RSPH14: variants seen among roughly 807,000 people sequenced by gnomAD.
RSPH14 encodes the protein rhabdoid tumor deletion region gene 1.
A neutral mutation model predicts 26.7 loss-of-function variants in RSPH14; 20 were observed. The ratio of observed to expected loss-of-function variants is 0.75; its 90% CI spans 0.53 to 1.09. RSPH14 has a LOEUF of 1.09. Among genes scored for constraint, RSPH14 ranks in the 50% least tolerant of loss-of-function variants. The pLI is 0.00. For synonymous variants in RSPH14, 177 were observed against 189.3 expected, an observed-to-expected ratio of 0.93 and a Z score of 0.53; for missense variants, 449 against 457.2, an observed-to-expected ratio of 0.98 and a Z score of 0.16.
rs1183195572 is a variant in RSPH14 at position 23,071,811 on chromosome 22, G to T, written c.422-7678C>A. 6.6e-6 allele frequency among the ~76,000 whole-genome samples: 1 copy of T among 152,238 alleles called. No homozygotes were observed. The highest frequency in any genetic ancestry group is 6.5e-5 in the Admixed American group (1 of 15,292). On this transcript the variant is annotated intron_variant, in intron 4 of 6. Transcript: ENST00000216036. The surrounding 1 kb of genome is among the most constrained non-coding windows in gnomAD (Gnocchi z 4.1). ...CTGGAGCTTGAAGGACATGGGCACA[G>T]CTAAGCTGGGCATTGTGGGCAGAGA...
chr22:23,143,481 G>A (rs1228625861), upstream of RSPH14, among the ~76,000 whole-genome samples: 1 of 152,074 alleles, frequency 6.6e-6, no homozygotes, highest in East Asian at 1.9e-4. Flanking sequence ...AAGAATTGGG[G>A]ACTGCAATGG....
chr22:23,159,762 C>G, the RSPH14 span, among the ~76,000 whole-genome samples: 3 of 152,310 alleles, frequency 2.0e-5, no homozygotes, highest in Admixed American at 6.5e-5. Context: ...CATCCCTTCC[C>G]AGTATCACTG....
At chr22:23,094,255 G>A (rs1448032554) in intron 4 of RSPH14, among the ~76,000 whole-genome samples, 18 of 152,138 alleles carry the variant, frequency 1.2e-4, no homozygotes, top group Non-Finnish European at 2.6e-4. Context: ...GTGGGGCCTG[G>A]TGCCACCCTG....
chr22:23,159,031 C>T, the RSPH14 span: 2 of 1,594,384 alleles, frequency 1.3e-6, no homozygotes, highest in Non-Finnish European at 1.7e-6. Flanking sequence ...AATGCCTCCC[C>T]TTACAGCCCT....
At chr22:23,093,951 C>A (rs142799048) in intron 4 of RSPH14, among the ~76,000 whole-genome samples, 66 of 152,284 alleles carry the variant, frequency 4.3e-4, no homozygotes, top group African/African-American at 1.6e-3. Flanking sequence ...TGGTCAAGGT[C>A]TGTGAGGGGC....
At chr22:23,177,867 T>G in the RSPH14 span, among the ~76,000 whole-genome samples, 1 of 152,208 alleles carries the variant, frequency 6.6e-6, no homozygotes. Flanking sequence ...GGCGTGATCC[T>G]AGCTCACTGA....
chr22:23,142,898 C>T (rs1366381658), upstream of RSPH14, among the ~76,000 whole-genome samples: 2 of 152,224 alleles, frequency 1.3e-5, no homozygotes, highest in African/African-American at 4.8e-5. Flanking sequence ...ATGGCCTCCT[C>T]CAGCCATGCC....
intron 4 of RSPH14, among the ~76,000 whole-genome samples, chr22:23,092,298 A>G (rs1216064082): frequency 2.0e-5 from 3 of 152,180 alleles, no homozygotes; most frequent in Non-Finnish European, 4.4e-5. Flanking sequence ...ATAAGGTCCC[A>G]TTTGAACCAC....
At chr22:23,149,081 G>A (rs963200846), upstream of RSPH14, among the ~76,000 whole-genome samples, 4 of 152,120 alleles carry the variant, frequency 2.6e-5, no homozygotes, top group African/African-American at 9.7e-5. Flanking sequence ...GAACTGAGAG[G>A]GCAGATGGGC....
upstream of RSPH14, chr22:23,146,170 C>T (rs1419530305): frequency 3.7e-6 from 1 of 266,808 alleles, no homozygotes; most frequent in Non-Finnish European, 5.8e-6. Context: ...GAAATGGCCT[C>T]TGCCCCATAT....
At chr22:23,161,418 G>T in the RSPH14 span, 1 of 1,253,360 alleles carries the variant, frequency 8.0e-7, no homozygotes, top group South Asian at 1.3e-5. Flanking sequence ...TCACAGCTCT[G>T]ACTGTCAGGG....
intron 4 of RSPH14, among the ~76,000 whole-genome samples, chr22:23,116,809 AGGCTGT>A (rs1366224521): frequency 6.6e-6 from 1 of 151,780 alleles, no homozygotes; most frequent in Non-Finnish European, 1.5e-5. Context: ...GGAGGTGTTT[AGGCTGT>A]GACAAAGGGA....
At chr22:23,082,454 C>T (rs1465966045) in intron 4 of RSPH14, among the ~76,000 whole-genome samples, 3 of 149,670 alleles carry the variant, frequency 2.0e-5, no homozygotes, top group African/African-American at 4.9e-5. Context: ...GAACTGACTT[C>T]GTGATCCACC....
At chr22:23,130,083 GGAAGAAAGAAAGAAAGAA>G (rs1272600574) in intron 4 of RSPH14, among the ~76,000 whole-genome samples, 27 of 29,112 alleles carry the variant, frequency 9.3e-4, no homozygotes, top group African/African-American at 4.8e-3. Context: ...AAGAAAGAAA[GGAAGAAAGAAAGAAAGAA>G]AGAAAGAAAG....
chr22:23,128,360 G>A (rs1434820234), intron 4 of RSPH14, among the ~76,000 whole-genome samples: 5 of 152,202 alleles, frequency 3.3e-5, no homozygotes, highest in Admixed American at 6.5e-5. Flanking sequence ...CATCGGGCTG[G>A]GGAGCAGAAG....
At chr22:23,164,600 G>A in the RSPH14 span, among the ~76,000 whole-genome samples, 1 of 152,274 alleles carries the variant, frequency 6.6e-6, no homozygotes, top group South Asian at 2.1e-4. Context: ...TAAGTTTCCT[G>A]GGCAGAGGCA....
At chr22:23,130,100 AAAGAAAGAAAGAAAGAAAGAAAGAAAG>A (rs1569192617) in intron 4 of RSPH14, among the ~76,000 whole-genome samples, 12 of 73,182 alleles carry the variant, frequency 1.6e-4, no homozygotes, top group African/African-American at 4.9e-4. Flanking sequence ...AGAAAGAAAG[AAAGAAAGAAAGAAAGAAAGAAAGAAAG>A]AAAGAAAGAA....
intron 2 of RSPH14, 86 bp from the exon 3 acceptor site, chr22:23,139,028 G>T: frequency 1.0e-6 from 1 of 999,584 alleles, no homozygotes; most frequent in Non-Finnish European, 1.5e-6. Flanking sequence ...CAATAAGTGG[G>T]CCAGTTGGGG....
At chr22:23,068,047 C>T (rs1249443816) in intron 4 of RSPH14, among the ~76,000 whole-genome samples, 1 of 152,214 alleles carries the variant, frequency 6.6e-6, no homozygotes, top group Non-Finnish European at 1.5e-5. Flanking sequence ...TTAAAACTCT[C>T]GAGCAGTTCT....
Sources: gnomAD v4.1 joint callset for allele counts (sites outside exome capture counted in the v4.1 genomes callset) on GRCh38, gnomAD v4.1.1 for gene constraint, Gnocchi (gnomAD v3.1) non-coding constraint, MANE v1.5 for transcripts, NCBI Gene and HGNC (gene_info 2026-07-23, HGNC 2026-07-21) for gene names.